The following ACO1 variants were observed in gnomAD, a reference collection of about 807,000 sequenced individuals.
ACO1 encodes the protein aconitase 1.
A neutral mutation model predicts 105.1 loss-of-function variants in ACO1; 78 were observed. That is an observed-to-expected ratio of 0.74 (90% CI 0.62 to 0.90). ACO1 has a LOEUF of 0.90. ACO1 is among the 40% of genes least tolerant of loss of function. ACO1 has a pLI of 0.00. For synonymous variants in ACO1, 364 were observed against 397.4 expected (o/e 0.92, Z 1.00); for missense variants, 965 against 1,111.1 (o/e 0.87, Z 1.87).
Position 32,425,890 on chromosome 9 carries a change from C to A in ACO1, c.1241C>A (p.Thr414Asn). The A allele has an allele frequency of 1.2e-6, 2 of 1,613,938 alleles. No individual in the cohort carries two copies. Among genetic ancestry groups the A allele is most frequent in the Non-Finnish European group, 1.7e-6 (2 of 1,179,864 alleles). ...CCTGAACATCATAATGACCATAAGACCTTTATCTATGATAACACTGAATTC... is the reference window on the plus strand; with the variant it reads ...CCTGAACATCATAATGACCATAAGAACTTTATCTATGATAACACTGAATTC... ...VAPEHHNDHK[T>N]FIYDNTEFTL... The change falls in exon 11 of 21, where the codon ACC becomes AAC. Residue 414 changes from threonine (T) to asparagine (N), a missense_variant. By Grantham distance (65) the Thr-to-Asn change is moderately conservative. Coordinates refer to ENST00000309951, the MANE Select transcript of ACO1 (RefSeq NM_002197.3).
rs1418581170 is a variant in ACO1, at chr9:32,454,279, C to T, written c.*4168C>T. ...CTGCTTTCTTCTGGGCGTTCACGCA[C>T]TGTGCTCCACAGGATACTCTTGAGA... is the stretch of plus-strand genomic sequence containing the variant. On this transcript the variant is annotated 3_prime_UTR_variant, in exon 21 of 21. Transcript: ENST00000309951. The T allele has an allele frequency of 6.6e-6, 1 of 152,242 alleles. No homozygotes were observed. The highest frequency in any genetic ancestry group is 6.5e-5 in the Admixed American group (1 of 15,284). The allele number at this position is 152,242 out of a possible 1,614,324, so 9.4% of individuals were successfully genotyped here.
intron 1 of ACO1, among the ~76,000 whole-genome samples, chr9:32,392,037 A>G (rs903917129): frequency 7.9e-5 from 12 of 152,356 alleles, no homozygotes; most frequent in African/African-American, 2.6e-4. Flanking sequence ...AAAAGTTACC[A>G]TACAAATTTT....
At chr9:32,421,247 G>T (rs895769329) in intron 8 of ACO1, among the ~76,000 whole-genome samples, 1 of 152,134 alleles carries the variant, frequency 6.6e-6, no homozygotes, top group African/African-American at 2.4e-5. Flanking sequence ...GATTACAGAA[G>T]CCTGGATATT....
chr9:32,385,469 A>G (rs1305484751), intron 1 of ACO1, among the ~76,000 whole-genome samples: 1 of 152,206 alleles, frequency 6.6e-6, no homozygotes, highest in Non-Finnish European at 1.5e-5. Flanking sequence ...ATCTATCCAT[A>G]TTTATAATAT....
Position 32,427,769 on chromosome 9 carries a change from A to T in ACO1, c.1484+333A>T, listed in dbSNP as rs555570041. ...GACACTTAGGCCACACTAACTTAAT[A>T]AAAAAAAGTTTCTTTCTTCAATAAT... On this transcript the variant is annotated intron_variant, in intron 12 of 20. Transcript: ENST00000309951. Among the ~76,000 whole-genome samples, 9 of 152,208 alleles carry T rather than the reference A, an allele frequency of 5.9e-5. 1 individual carries two copies. The East Asian group carries it at 1.5e-3, about 26-fold the overall frequency.
chr9:32,414,208 C>G (rs1219480220), intron 4 of ACO1, among the ~76,000 whole-genome samples: 1 of 152,184 alleles, frequency 6.6e-6, no homozygotes, highest in Non-Finnish European at 1.5e-5. Flanking sequence ...TGAAAACTAT[C>G]TCCATGTTAA....
rs114690663 is a variant in ACO1, at chr9:32,388,922, C to T, written c.-23+4187C>T. Among the ~76,000 whole-genome samples the T allele has an allele frequency of 9.9e-3, 1,506 of 152,170 alleles. 23 individuals are homozygous for T. The highest frequency in any genetic ancestry group is 0.034 in the African/African-American group (1,413 of 41,506). ...ATAGGAATGTTGCCACCATCCTCCT[C>T]CCCCAATTAAAAAAAACTGCTTTGT... On this transcript the variant is annotated intron_variant, in intron 1 of 20. Coordinates refer to ENST00000309951, the MANE Select transcript of ACO1 (RefSeq NM_002197.3).
chr9:32,449,150 G>A (rs1822697733), intron 20 of ACO1, 69 bp downstream of exon 20: 1 of 1,475,920 alleles, frequency 6.8e-7, no homozygotes, highest in South Asian at 1.4e-5. Flanking sequence ...AGTCTTGTTA[G>A]AAGGAAATTA....
At chr9:32,436,747 AT>A (rs369355292) in intron 18 of ACO1, among the ~76,000 whole-genome samples, 299 of 152,326 alleles carry the variant, frequency 2.0e-3, no homozygotes, top group African/African-American at 6.9e-3. Flanking sequence ...ATGTAATTTA[AT>A]TCATCTAATC....
chr9:32,390,603 A>G (rs116277671), intron 1 of ACO1, among the ~76,000 whole-genome samples: 65 of 152,364 alleles, frequency 4.3e-4, no homozygotes, highest in African/African-American at 1.6e-3. Context: ...AATAATTTGA[A>G]TTGATTAAGT....
intron 3 of ACO1, 115 bp downstream of exon 3, chr9:32,407,544 C>G: frequency 1.0e-6 from 1 of 989,090 alleles, no homozygotes; most frequent in Non-Finnish European, 1.4e-6. Flanking sequence ...TAATTTATGA[C>G]TATATAATAT....
At chr9:32,396,240 G>C (rs1821370338) in intron 1 of ACO1, among the ~76,000 whole-genome samples, 1 of 152,276 alleles carries the variant, frequency 6.6e-6, no homozygotes, top group African/African-American at 2.4e-5. Context: ...TTTTGATGTT[G>C]GAAGTCTACA....
chr9:32,423,484 T>C, intron 9 of ACO1, 65 bp downstream of exon 9: 1 of 1,122,296 alleles, frequency 8.9e-7, no homozygotes, highest in African/African-American at 1.6e-5. Context: ...TTAGTGGTGG[T>C]TTTTCTTGGG....
chr9:32,441,228 C>G (rs1332876365), intron 19 of ACO1, among the ~76,000 whole-genome samples: 1 of 152,158 alleles, frequency 6.6e-6, no homozygotes, highest in Non-Finnish European at 1.5e-5. Flanking sequence ...GGCTCTACCT[C>G]TTGAGGTGTC....
intron 19 of ACO1, chr9:32,445,652 C>T: frequency 4.0e-6 from 1 of 252,192 alleles, no homozygotes; most frequent in South Asian, 3.2e-5. Context: ...TTGCCTTCTG[C>T]TAGCTTTTGA....
At chr9:32,389,211 G>A (rs1002836994) in intron 1 of ACO1, among the ~76,000 whole-genome samples, 8 of 152,212 alleles carry the variant, frequency 5.3e-5, no homozygotes, top group Non-Finnish European at 1.0e-4. Flanking sequence ...GAGAAAGCAT[G>A]TGCATATATG....
chr9:32,391,763 G>A (rs1309899305), intron 1 of ACO1, among the ~76,000 whole-genome samples: 3 of 152,232 alleles, frequency 2.0e-5, no homozygotes, highest in Admixed American at 6.5e-5. Context: ...GTCAGTCTAG[G>A]AAAGTATCCT....
chr9:32,423,243 T>C (rs935312284), intron 8 of ACO1, 76 bp from the exon 9 acceptor site: 3 of 768,530 alleles, frequency 3.9e-6, no homozygotes, highest in African/African-American at 1.8e-5. Context: ...TAATTGCTAA[T>C]GGAAGTATCA....
intron 17 of ACO1, among the ~76,000 whole-genome samples, chr9:32,435,667 G>A (rs1822339169): frequency 6.6e-6 from 1 of 152,128 alleles, no homozygotes; most frequent in African/African-American, 2.4e-5. Context: ...CCTCTGGTTT[G>A]GGGACCAGAA....
Sources: allele counts gnomAD v4.1 joint callset (sites outside exome capture counted in the v4.1 genomes callset), GRCh38; gene constraint gnomAD v4.1.1; transcripts MANE v1.5; gene names NCBI Gene and HGNC (gene_info 2026-07-23, HGNC 2026-07-21).